TRARG1: variants seen among roughly 807,000 people sequenced by gnomAD.
The protein encoded by TRARG1 is trafficking regulator of GLUT4 (SLC2A4) 1 (gene/pseudogene), also known as trafficking regulator of GLUT4 1.
Under a neutral mutation model 13.3 loss-of-function variants are expected in TRARG1, and 16 were observed. The ratio of observed to expected loss-of-function variants is 1.20; its 90% CI spans 0.81 to 1.83. The LOEUF (loss-of-function observed/expected upper bound fraction) is 1.83. Ranked by LOEUF, TRARG1 falls within the 40% of genes most tolerant of loss-of-function variation. The pLI, the probability that TRARG1 is intolerant of heterozygous loss-of-function variation, is 0.00. For missense variants in TRARG1, 250 were observed against 237.4 expected (o/e 1.05, Z -0.35); for synonymous variants, 113 against 106.2 (o/e 1.06, Z -0.39).
At chr17:1,286,545 GT>G (rs2072024671) in intron 1 of TRARG1, among the ~76,000 whole-genome samples, 1 of 112,038 alleles carries the variant, frequency 8.9e-6, no homozygotes, top group South Asian at 2.8e-4. Context: ...TGGCCTGTGG[GT>G]GTTGTCAGCC....
At chr17:1,291,466 C>T (rs892501693) in intron 1 of TRARG1, among the ~76,000 whole-genome samples, 2 of 152,180 alleles carry the variant, frequency 1.3e-5, no homozygotes, top group Admixed American at 1.3e-4. Context: ...TCCTTTCTGC[C>T]GCCATGTGGT....
At chr17:1,293,145 G>A (rs1029377502) in intron 1 of TRARG1, among the ~76,000 whole-genome samples, 6 of 152,032 alleles carry the variant, frequency 3.9e-5, no homozygotes, top group Non-Finnish European at 5.9e-5. Context: ...TTAGCCGGGC[G>A]TAGTGGCGGT....
chr17:1,287,354 T>C (rs1188128724), intron 1 of TRARG1, among the ~76,000 whole-genome samples: 1 of 151,654 alleles, frequency 6.6e-6, no homozygotes, highest in Non-Finnish European at 1.5e-5. Flanking sequence ...ATTGTTGTTT[T>C]TGTTTTTTTT....
intron 1 of TRARG1, among the ~76,000 whole-genome samples, chr17:1,291,096 G>T (rs1331951167): frequency 3.3e-5 from 5 of 152,038 alleles, no homozygotes; most frequent in Admixed American, 6.6e-5. Context: ...AGTAGAGACG[G>T]GGTTTCACCA....
chr17:1,289,931 G>A (rs1302054986), intron 1 of TRARG1, among the ~76,000 whole-genome samples: 1 of 151,800 alleles, frequency 6.6e-6, no homozygotes, highest in Non-Finnish European at 1.5e-5. Flanking sequence ...GGAATCATTC[G>A]AGTCACGTTC....
intron 1 of TRARG1, among the ~76,000 whole-genome samples, chr17:1,284,790 C>A (rs1237513618): frequency 6.6e-6 from 1 of 152,088 alleles, no homozygotes; most frequent in Non-Finnish European, 1.5e-5. Context: ...ACGCCATTCT[C>A]CTGCCTCAGC....
chr17:1,295,397 A>G, intron 1 of TRARG1, 94 bp from the exon 2 acceptor site: 1 of 1,454,462 alleles, frequency 6.9e-7, no homozygotes, highest in Non-Finnish European at 9.2e-7. Flanking sequence ...CTGGAGGCCC[A>G]GGCTCAGGGC....
chr17:1,298,721 C>T lies in TRARG1; in HGVS notation c.*457C>T, dbSNP rs529002875. Reference sequence around the variant, plus strand: ...CCCCATCTTTTGTGTTTTCCTCAAGCGGGGAAAGAATGGACTGTTTGCATG... The same window carrying T: ...CCCCATCTTTTGTGTTTTCCTCAAGTGGGGAAAGAATGGACTGTTTGCATG... On this transcript the variant is annotated 3_prime_UTR_variant, in exon 3 of 3. Coordinates refer to ENST00000333813, the MANE Select transcript of TRARG1 (RefSeq NM_172367.3). 1.1e-3 allele frequency: 188 copies of T among 167,332 alleles called. No individual in the cohort carries two copies. Among genetic ancestry groups the T allele is most frequent in the Non-Finnish European group, 1.8e-3 (139 of 78,216 alleles). The allele number at this position is 167,332 out of a possible 1,614,324, so 10.4% of individuals were successfully genotyped here. A position where few individuals can be genotyped will look rare whatever the true frequency, so the allele number is the denominator to read the frequency against.
At chr17:1,293,807 G>A (rs1451924913) in intron 1 of TRARG1, among the ~76,000 whole-genome samples, 1 of 152,088 alleles carries the variant, frequency 6.6e-6, no homozygotes, top group East Asian at 1.9e-4. Flanking sequence ...TTTGAGCAGT[G>A]AAGAGAACAG....
At chr17:1,284,712 G>GCA (rs2072008108) in intron 1 of TRARG1, among the ~76,000 whole-genome samples, 2 of 151,812 alleles carry the variant, frequency 1.3e-5, no homozygotes, top group African/African-American at 4.8e-5. Context: ...ATGGAGTCTT[G>GCA]CTCTGTCGCC....
chr17:1,293,933 G>A (rs1424847374), intron 1 of TRARG1, among the ~76,000 whole-genome samples: 1 of 152,060 alleles, frequency 6.6e-6, no homozygotes, highest in Non-Finnish European at 1.5e-5. Flanking sequence ...GGGTGATTCT[G>A]AGGCTAAAGG....
intron 1 of TRARG1, among the ~76,000 whole-genome samples, chr17:1,288,603 T>C (rs1398277254): frequency 7.1e-4 from 15 of 21,162 alleles, no homozygotes; most frequent in South Asian, 2.4e-3. Context: ...CCCTCCAGCT[T>C]CTCATCCCCC....
intron 1 of TRARG1, among the ~76,000 whole-genome samples, chr17:1,290,382 G>A (rs972852769): frequency 2.6e-5 from 4 of 152,012 alleles, no homozygotes; most frequent in South Asian, 4.1e-4. Context: ...TGCAGCCTCC[G>A]CCTCCCAGGC....
chr17:1,292,050 C>T (rs959878105), intron 1 of TRARG1, among the ~76,000 whole-genome samples: 6 of 152,124 alleles, frequency 3.9e-5, no homozygotes, highest in African/African-American at 1.4e-4. Context: ...TGCCTGTAAT[C>T]CCAGCTACTT....
chr17:1,280,134 A>G lies in TRARG1; in HGVS notation c.133A>G (p.Lys45Glu). ...NKDDKTLNLS[K>E]TLSGPLDLEQ... ...GGATGACAAGACCCTGAATCTGTCCAAGACCCTCTCGGGGCCTCTGGATCT... is the reference window on the plus strand; with the variant it reads ...GGATGACAAGACCCTGAATCTGTCCGAGACCCTCTCGGGGCCTCTGGATCT... Residue 45 changes from lysine to glutamate, a missense_variant, in exon 1 of 3, where the codon AAG (lysine) becomes GAG (glutamate). Transcript: ENST00000333813. 2.5e-6 allele frequency: 4 copies of G among 1,613,964 alleles called. No individual in the cohort carries two copies. The highest frequency in any genetic ancestry group is 3.4e-6 in the Non-Finnish European group (4 of 1,180,028).
chr17:1,280,885 G>A (rs1040627721), intron 1 of TRARG1, among the ~76,000 whole-genome samples: 2 of 152,186 alleles, frequency 1.3e-5, no homozygotes, highest in African/African-American at 2.4e-5. Context: ...CTTCCCTGCC[G>A]TACCCTGAGG....
chr17:1,283,602 T>C (rs1272167802), intron 1 of TRARG1, among the ~76,000 whole-genome samples: 1 of 150,092 alleles, frequency 6.7e-6, no homozygotes, highest in African/African-American at 2.5e-5. Context: ...AGATCAGGAG[T>C]TCGAGACCAG....
chr17:1,285,998 C>T (rs2072017073), intron 1 of TRARG1, among the ~76,000 whole-genome samples: 9 of 152,162 alleles, frequency 5.9e-5, no homozygotes, highest in Admixed American at 5.9e-4. Flanking sequence ...ACGCATAGAT[C>T]CCTGGTGACC....
chr17:1,296,539 T>C (rs1242349768), intron 2 of TRARG1, among the ~76,000 whole-genome samples: 1 of 132,060 alleles, frequency 7.6e-6, no homozygotes, highest in Non-Finnish European at 1.6e-5. Flanking sequence ...TGAGATGGAG[T>C]CTCATTCTGT....
Sources: allele counts gnomAD v4.1 joint callset (sites outside exome capture counted in the v4.1 genomes callset), GRCh38; gene constraint gnomAD v4.1.1; transcripts MANE v1.5; gene names NCBI Gene and HGNC (gene_info 2026-07-23, HGNC 2026-07-21).